Variants in GPC5 observed in about 807,000 individuals in gnomAD.
The protein encoded by GPC5 is glypican-5.
A neutral mutation model predicts 53.9 loss-of-function variants in GPC5; 47 were observed. The ratio of observed to expected loss-of-function variants is 0.87; its 90% CI spans 0.69 to 1.11. GPC5 has a LOEUF of 1.11. Among genes scored for constraint, GPC5 ranks in the 50% most tolerant of loss-of-function variants. GPC5 has a pLI of 0.00. For missense variants in GPC5, 748 were observed against 713.1 expected (o/e 1.05, Z -0.56); for synonymous variants, 286 against 263.3 (o/e 1.09, Z -0.84).
At chr13:92,130,477 C>A (rs2041734484) in intron 6 of GPC5, among the ~76,000 whole-genome samples, 1 of 151,938 alleles carries the variant, frequency 6.6e-6, no homozygotes, top group Non-Finnish European at 1.5e-5. Context: ...TGTGGATTAG[C>A]TGGTGAATTC....
chr13:91,880,363 T>G (rs546139852), intron 5 of GPC5, among the ~76,000 whole-genome samples: 8 of 152,220 alleles, frequency 5.3e-5, no homozygotes, highest in Admixed American at 5.2e-4. Context: ...TATTATGGGC[T>G]ATTTGTTAAA....
chr13:92,152,717 C>T (rs569866623), intron 7 of GPC5, among the ~76,000 whole-genome samples: 20 of 130,368 alleles, frequency 1.5e-4, no homozygotes, highest in Non-Finnish European at 2.0e-4. Context: ...CCAGCCTGGG[C>T]GACAGAGTGA....
At chr13:91,532,327 G>A (rs1566481800) in intron 2 of GPC5, among the ~76,000 whole-genome samples, 1 of 152,292 alleles carries the variant, frequency 6.6e-6, no homozygotes, top group East Asian at 1.9e-4. Context: ...ATGGAAACAA[G>A]TGCCAAAGAA....
chr13:92,826,854 G>C (rs780820625), intron 7 of GPC5, among the ~76,000 whole-genome samples: 1 of 151,996 alleles, frequency 6.6e-6, no homozygotes, highest in Non-Finnish European at 1.5e-5. Context: ...CTGGCTAATT[G>C]TTCATATCCT....
intron 7 of GPC5, among the ~76,000 whole-genome samples, chr13:92,805,494 G>A (rs73623833): frequency 6.0e-4 from 91 of 151,984 alleles, no homozygotes; most frequent in Middle Eastern, 3.4e-3. Flanking sequence ...TGGAGTGCAC[G>A]GGCATGATCA....
At chr13:91,549,831 C>T (rs2030521876) in intron 2 of GPC5, among the ~76,000 whole-genome samples, 1 of 152,158 alleles carries the variant, frequency 6.6e-6, no homozygotes, top group African/African-American at 2.4e-5. Flanking sequence ...AGTGCAGCTA[C>T]TCTGGAAGAC....
chr13:91,723,347 G>T lies in GPC5; in HGVS notation c.1021-5185G>T, dbSNP rs562512063. Among the ~76,000 whole-genome samples, 17 of 151,406 alleles carry T rather than the reference G, an allele frequency of 1.1e-4. No homozygotes were observed. The South Asian group carries it at 3.1e-3, about 28-fold the overall frequency. The stretch of plus-strand genomic sequence containing the variant: ...TTTATGATTTCATCTATTTGCATGG[G>T]TTTAACTATTGGCTCTATGCATGCA... On this transcript the variant is annotated intron_variant, in intron 3 of 7. Transcript: ENST00000377067.
At chr13:92,789,525 A>C (rs1045720758) in intron 7 of GPC5, among the ~76,000 whole-genome samples, 1 of 152,144 alleles carries the variant, frequency 6.6e-6, no homozygotes, top group Non-Finnish European at 1.5e-5. Flanking sequence ...TGAAACTGTC[A>C]AACACCATTC....
chr13:92,206,203 T>C (rs902972552), intron 7 of GPC5, among the ~76,000 whole-genome samples: 2 of 145,936 alleles, frequency 1.4e-5, no homozygotes, highest in Non-Finnish European at 3.0e-5. Context: ...TCTCGGTCTG[T>C]CGCCCAGGCT....
chr13:92,024,186 C>T (rs536581478), intron 6 of GPC5, among the ~76,000 whole-genome samples: 66 of 152,206 alleles, frequency 4.3e-4, no homozygotes, highest in South Asian at 6.2e-4. Flanking sequence ...TTTGGTTGCA[C>T]AGTCCTGTGA....
At chr13:92,275,031 C>A (rs2042865698) in intron 7 of GPC5, among the ~76,000 whole-genome samples, 1 of 151,912 alleles carries the variant, frequency 6.6e-6, no homozygotes, top group Non-Finnish European at 1.5e-5. Flanking sequence ...GCAGAAAATC[C>A]CTTCCCTTGA....
At chr13:92,123,234 G>A (rs1157450009) in intron 6 of GPC5, among the ~76,000 whole-genome samples, 1 of 151,486 alleles carries the variant, frequency 6.6e-6, no homozygotes, top group Non-Finnish European at 1.5e-5. Flanking sequence ...TCTAAACCCT[G>A]TCTCTACTTT....
At chr13:92,072,376 C>T (rs1306648348) in intron 6 of GPC5, among the ~76,000 whole-genome samples, 3 of 148,326 alleles carry the variant, frequency 2.0e-5, no homozygotes, top group Non-Finnish European at 4.5e-5. Flanking sequence ...AAGGGATTCT[C>T]CTGCCTCAAC....
At chr13:91,566,496 G>A (rs1388489448) in intron 2 of GPC5, among the ~76,000 whole-genome samples, 2 of 152,160 alleles carry the variant, frequency 1.3e-5, no homozygotes, top group Non-Finnish European at 2.9e-5. Context: ...CCAGGAGGCA[G>A]AGGTTGCAGT....
intron 7 of GPC5, among the ~76,000 whole-genome samples, chr13:92,520,403 C>A (rs887409654): frequency 6.6e-6 from 1 of 152,058 alleles, no homozygotes; most frequent in Non-Finnish European, 1.5e-5. Flanking sequence ...AAACTGAATC[C>A]AGAAGCACAT....
At chr13:92,587,395 G>A (rs1407914293) in intron 7 of GPC5, among the ~76,000 whole-genome samples, 4 of 152,164 alleles carry the variant, frequency 2.6e-5, no homozygotes, top group African/African-American at 9.7e-5. Context: ...ATGGAATTAT[G>A]TGACTCTCTC....
chr13:91,410,339 C>CTTTTTT (rs66787310), intron 1 of GPC5, among the ~76,000 whole-genome samples: 1 of 89,838 alleles, frequency 1.1e-5, no homozygotes, highest in African/African-American at 4.3e-5. Context: ...CGTTTCCATT[C>CTTTTTT]TTTTTTTTTT....
At chr13:92,589,164 G>A (rs748507972) in intron 7 of GPC5, among the ~76,000 whole-genome samples, 1 of 152,162 alleles carries the variant, frequency 6.6e-6, no homozygotes, top group Non-Finnish European at 1.5e-5. Context: ...CACTAACGAT[G>A]TTCTGTTCCC....
chr13:92,047,103 T>C (rs1432598102), intron 6 of GPC5, among the ~76,000 whole-genome samples: 1 of 152,168 alleles, frequency 6.6e-6, no homozygotes, highest in Admixed American at 6.5e-5. Flanking sequence ...ATATTTCCTC[T>C]TGCCTCTTAC....
Sources: allele counts gnomAD v4.1 joint callset (sites outside exome capture counted in the v4.1 genomes callset), GRCh38; gene constraint gnomAD v4.1.1; transcripts MANE v1.5; gene names NCBI Gene and HGNC (gene_info 2026-07-23, HGNC 2026-07-21).